Variants in NRXN3 observed in about 807,000 individuals in gnomAD.
NRXN3 encodes the protein neurexin III.
NRXN3 carries 32 observed loss-of-function variants against 137.6 expected under a neutral mutation model. The observed-to-expected ratio is 0.23, with a 90% CI of 0.18 to 0.31. The LOEUF is 0.31. Among genes scored for constraint, NRXN3 ranks in the 10% least tolerant of loss-of-function variants. The pLI is 1.00. For synonymous variants in NRXN3, 798 were observed against 784.5 expected (o/e 1.02, Z -0.29); for missense variants, 1,574 against 2,062.5 (o/e 0.76, Z 4.59).
At chr14:79,534,584 T>C (rs1229079434) in intron 16 of NRXN3, among the ~76,000 whole-genome samples, 2 of 152,126 alleles carry the variant, frequency 1.3e-5, no homozygotes, top group East Asian at 3.9e-4. Flanking sequence ...GGGGAACATA[T>C]GTGAATTCTA....
At chr14:79,480,929 AC>A (rs1160641832) in intron 16 of NRXN3, among the ~76,000 whole-genome samples, 1 of 152,120 alleles carries the variant, frequency 6.6e-6, no homozygotes, top group African/African-American at 2.4e-5. Flanking sequence ...ACCCTATGGA[AC>A]CATGAGCCAA....
At chr14:78,900,474 C>T (rs1273360655) in intron 10 of NRXN3, among the ~76,000 whole-genome samples, 3 of 150,412 alleles carry the variant, frequency 2.0e-5, no homozygotes, top group Admixed American at 6.6e-5. Flanking sequence ...ATCATTACTA[C>T]GTTTGGTGCC....
intron 16 of NRXN3, among the ~76,000 whole-genome samples, chr14:79,600,889 G>A (rs895192175): frequency 1.3e-5 from 2 of 151,846 alleles, no homozygotes; most frequent in African/African-American, 4.8e-5. Flanking sequence ...AAAAAGGAAG[G>A]AAGACAAGGG....
At chr14:79,753,001 A>C (rs1428723250) in intron 19 of NRXN3, among the ~76,000 whole-genome samples, 2 of 151,782 alleles carry the variant, frequency 1.3e-5, no homozygotes, top group African/African-American at 4.8e-5. Context: ...AGAGAAATGC[A>C]AATCAAAACC....
At chr14:79,061,825 C>T (rs2099674677) in intron 15 of NRXN3, among the ~76,000 whole-genome samples, 1 of 152,162 alleles carries the variant, frequency 6.6e-6, no homozygotes, top group Non-Finnish European at 1.5e-5. Context: ...CCCGGCCCAT[C>T]CCTTATGTCG....
Position 79,467,307 on chromosome 14 carries a change from C to A in NRXN3, c.3349C>A (p.Arg1117Ser). ...ANDRPSTRSDRLAVGFSTTVK... is the reference protein window; with the variant it reads ...ANDRPSTRSDSLAVGFSTTVK... ...TGACAGGCCCAGCACGCGGTCTGACCGCCTTGCCGTGGGCTTCAGCACCAC... is the reference window on the plus strand; with the variant it reads ...TGACAGGCCCAGCACGCGGTCTGACAGCCTTGCCGTGGGCTTCAGCACCAC... The change falls in exon 16 of 21, where the codon CGC (arginine) becomes AGC (serine). Residue 1117 changes from arginine to serine, a missense_variant. By Grantham distance (110) the Arg-to-Ser change is moderately radical. This residue lies in a region of NRXN3 where 133 missense variants were observed against 241.8 expected (regional missense o/e 0.55). Transcript: ENST00000335750. 6.2e-7 allele frequency: 1 copy of A among 1,613,594 alleles called. No individual in the cohort carries two copies. Among genetic ancestry groups the A allele is most frequent in the Non-Finnish European group, 8.5e-7 (1 of 1,179,526 alleles).
At chr14:79,324,729 C>T (rs1031880948) in intron 15 of NRXN3, among the ~76,000 whole-genome samples, 2 of 152,088 alleles carry the variant, frequency 1.3e-5, no homozygotes, top group South Asian at 2.1e-4. Flanking sequence ...TAAAAGAGAA[C>T]GTCTGTGGAG....
chr14:78,826,567 G>T lies in NRXN3; in HGVS notation c.2275+16223G>T, dbSNP rs118003859. ...CATTGGGTTCTAAGTGACTGCACTG[G>T]TTGCATACCTTTGAATATGGTTCTA... On this transcript the variant is annotated intron_variant, in intron 10 of 20. Coordinates refer to ENST00000335750, the MANE Select transcript of NRXN3 (RefSeq NM_001330195.2). 3.9e-3 allele frequency among the ~76,000 whole-genome samples: 599 copies of T among 152,290 alleles called. 3 individuals are homozygous for T. Among genetic ancestry groups the T allele is most frequent in the Non-Finnish European group, 6.6e-3 (451 of 68,030 alleles).
intron 4 of NRXN3, among the ~76,000 whole-genome samples, chr14:78,639,557 G>C (rs2097599158): frequency 6.6e-6 from 1 of 152,136 alleles, no homozygotes; most frequent in African/African-American, 2.4e-5. Context: ...TGGAAAGAAA[G>C]TCAACCTACT....
At chr14:78,605,178 C>G (rs1289744292) in intron 4 of NRXN3, among the ~76,000 whole-genome samples, 4 of 152,156 alleles carry the variant, frequency 2.6e-5, no homozygotes, top group African/African-American at 9.7e-5. Flanking sequence ...TTTAAGTCAT[C>G]ATCTTCCCTC....
chr14:79,480,548 C>T (rs953082286), intron 16 of NRXN3, among the ~76,000 whole-genome samples: 10 of 152,234 alleles, frequency 6.6e-5, no homozygotes, highest in East Asian at 5.8e-4. Context: ...GATACACTTA[C>T]GTAAGATGCA....
chr14:78,498,002 A>C (rs943316061), intron 4 of NRXN3, among the ~76,000 whole-genome samples: 1 of 152,174 alleles, frequency 6.6e-6, no homozygotes, highest in East Asian at 1.9e-4. Context: ...ATTCCTTTGC[A>C]GTTCATCCAG....
At chr14:79,770,595 T>C (rs1162948554) in intron 19 of NRXN3, among the ~76,000 whole-genome samples, 2 of 150,206 alleles carry the variant, frequency 1.3e-5, no homozygotes, top group Non-Finnish European at 3.0e-5. Context: ...AGACACAACA[T>C]ACTAGAATCT....
intron 4 of NRXN3, among the ~76,000 whole-genome samples, chr14:78,336,767 C>A (rs1241021940): frequency 6.6e-6 from 1 of 152,056 alleles, no homozygotes; most frequent in Non-Finnish European, 1.5e-5. Context: ...ATATGACCAC[C>A]CCCAGGGTTC....
intron 19 of NRXN3, among the ~76,000 whole-genome samples, chr14:79,773,773 TATA>T (rs1265048026): frequency 3.6e-5 from 5 of 140,208 alleles, no homozygotes; most frequent in Admixed American, 7.3e-5. Flanking sequence ...AAACTTAGAG[TATA>T]ATAATGATAA....
At chr14:79,511,319 A>G (rs1294964084) in intron 16 of NRXN3, among the ~76,000 whole-genome samples, 1 of 152,196 alleles carries the variant, frequency 6.6e-6, no homozygotes, top group Non-Finnish European at 1.5e-5. Flanking sequence ...AGGCCCAGGA[A>G]CATCTCTGCC....
intron 14 of NRXN3, among the ~76,000 whole-genome samples, chr14:78,975,010 T>C (rs2099459647): frequency 6.6e-6 from 1 of 152,174 alleles, no homozygotes; most frequent in Admixed American, 6.5e-5. Context: ...AGTGTTTTAT[T>C]TTTTATTTAA....
At chr14:79,607,364 A>C (rs1331268727) in intron 16 of NRXN3, among the ~76,000 whole-genome samples, 2 of 152,234 alleles carry the variant, frequency 1.3e-5, no homozygotes, top group Admixed American at 6.5e-5. Flanking sequence ...AAAAAATTAA[A>C]GAAATATTCA....
At chr14:78,795,272 G>A (rs976168012) in intron 8 of NRXN3, among the ~76,000 whole-genome samples, 1 of 152,162 alleles carries the variant, frequency 6.6e-6, no homozygotes, top group Non-Finnish European at 1.5e-5. Context: ...ACATAAAAAA[G>A]TAAATACTAT....
Sources: allele counts gnomAD v4.1 joint callset (sites outside exome capture counted in the v4.1 genomes callset), GRCh38; gene constraint gnomAD v4.1.1; regional missense constraint gnomAD v4.1.1; transcripts MANE v1.5; gene names NCBI Gene and HGNC (gene_info 2026-07-23, HGNC 2026-07-21).